Variants in TTC7A observed in about 807,000 individuals in gnomAD.
TTC7A encodes tetratricopeptide repeat domain 7A, also known as tetratricopeptide repeat protein 7A.
A neutral mutation model predicts 103.7 loss-of-function variants in TTC7A; 110 were observed. The ratio of observed to expected loss-of-function variants is 1.06; its 90% confidence interval spans 0.91 to 1.24. The LOEUF (loss-of-function observed/expected upper bound fraction) is 1.24. Among genes scored for constraint, TTC7A ranks in the 50% most tolerant of loss-of-function variants. TTC7A has a pLI of 0.00. For synonymous variants in TTC7A, 521 were observed against 467.9 expected, an observed-to-expected ratio of 1.11 and a Z score of -1.47; for missense variants, 1,340 against 1,116.3, an observed-to-expected ratio of 1.20 and a Z score of -2.86.
In TTC7A at chr2:47,069,848, A is replaced by G. The variant is rs372997782; in HGVS notation, c.2356-3854A>G. ...CCTCCCAGCAGCCCTGGTGTCCCCA[A>G]ACGCAGGCTCCAGGGACCAGAAGGC... On this transcript the variant is annotated intron_variant, in intron 19 of 19. Coordinates refer to ENST00000319190, the MANE Select transcript of TTC7A (RefSeq NM_020458.4). Among the ~76,000 whole-genome samples, 38 of 152,336 alleles carry G rather than the reference A, an allele frequency of 2.5e-4. 2 individuals are homozygous for G. Among genetic ancestry groups the G allele is most frequent in the African/African-American group, 7.5e-4 (31 of 41,576 alleles).
intron 3 of TTC7A, among the ~76,000 whole-genome samples, chr2:46,965,943 C>CT (rs1168558797): frequency 6.6e-6 from 1 of 151,786 alleles, no homozygotes; most frequent in African/African-American, 2.4e-5. Flanking sequence ...AAAATATTTT[C>CT]TAAGTGCATA....
chr2:47,058,717 A>G (rs1290415221), intron 18 of TTC7A, among the ~76,000 whole-genome samples: 1 of 152,144 alleles, frequency 6.6e-6, no homozygotes, highest in Non-Finnish European at 1.5e-5. Context: ...GCTGCTTTGG[A>G]CAAAGGCTGA....
At chr2:46,984,020 G>C (rs191926620) in intron 5 of TTC7A, among the ~76,000 whole-genome samples, 148 of 152,298 alleles carry the variant, frequency 9.7e-4, no homozygotes, top group Admixed American at 1.9e-3. Flanking sequence ...TGCCACTTAG[G>C]AAGGGCTAAA....
intron 1 of TTC7A, among the ~76,000 whole-genome samples, chr2:46,947,734 A>G (rs1671056035): frequency 6.6e-6 from 1 of 152,216 alleles, no homozygotes; most frequent in Non-Finnish European, 1.5e-5. Context: ...CCAATCTGTT[A>G]TGCTCTGATA....
chr2:47,018,235 C>A (rs984475496), intron 11 of TTC7A, among the ~76,000 whole-genome samples: 1 of 148,468 alleles, frequency 6.7e-6, no homozygotes, highest in African/African-American at 2.5e-5. Flanking sequence ...CAAGATCGCA[C>A]CACTGTACTC....
chr2:47,039,870 A>G (rs1485524899), intron 15 of TTC7A, among the ~76,000 whole-genome samples: 1 of 152,130 alleles, frequency 6.6e-6, no homozygotes, highest in Non-Finnish European at 1.5e-5. Flanking sequence ...TCTAACGGGG[A>G]ACAGAGACAC....
intron 5 of TTC7A, among the ~76,000 whole-genome samples, chr2:46,983,966 C>G (rs955486069): frequency 6.6e-6 from 1 of 152,202 alleles, no homozygotes; most frequent in African/African-American, 2.4e-5. Context: ...AATACTCTGT[C>G]TCCTTTATTC....
intron 1 of TTC7A, among the ~76,000 whole-genome samples, chr2:46,948,132 G>A (rs73926993): frequency 0.015 from 2,240 of 152,338 alleles, 54 homozygotes; most frequent in African/African-American, 0.05. Flanking sequence ...CCAAGGGCAC[G>A]GAGTCCTGCC....
chr2:46,959,399 G>A (rs1243233072), intron 3 of TTC7A, among the ~76,000 whole-genome samples: 1 of 152,128 alleles, frequency 6.6e-6, no homozygotes, highest in Admixed American at 6.6e-5. Context: ...CTGCTCTGTG[G>A]TTCTGTTTGG....
chr2:46,921,215 GA>G (rs1368005791), intron 2 of TTC7A, among the ~76,000 whole-genome samples: 1 of 152,102 alleles, frequency 6.6e-6, no homozygotes, highest in Non-Finnish European at 1.5e-5. Flanking sequence ...AGACTGGGAA[GA>G]AAAAGTAAAA....
intron 8 of TTC7A, among the ~76,000 whole-genome samples, chr2:47,002,260 C>T (rs997571472): frequency 6.6e-6 from 1 of 152,142 alleles, no homozygotes; most frequent in Non-Finnish European, 1.5e-5. Context: ...GCATCCCCAG[C>T]GCTGGGCAGC....
chr2:46,979,260 G>A (rs1245516670), intron 5 of TTC7A, among the ~76,000 whole-genome samples: 1 of 152,132 alleles, frequency 6.6e-6, no homozygotes, highest in Non-Finnish European at 1.5e-5. Context: ...GTCTGGTTTT[G>A]TCTACTGTTG....
At chr2:46,970,247 C>T (rs1673239958) in intron 3 of TTC7A, among the ~76,000 whole-genome samples, 1 of 152,280 alleles carries the variant, frequency 6.6e-6, no homozygotes, top group East Asian at 1.9e-4. Flanking sequence ...CTGGGCTTCC[C>T]AGTGTGCTGG....
intron 19 of TTC7A, among the ~76,000 whole-genome samples, chr2:47,069,625 G>A (rs1373438546): frequency 6.6e-6 from 1 of 152,204 alleles, no homozygotes; most frequent in Non-Finnish European, 1.5e-5. Flanking sequence ...TGTGGTGATG[G>A]GAGTGGGAGG....
chr2:47,061,052 C>A, intron 19 of TTC7A, 81 bp downstream of exon 19: 1 of 1,389,950 alleles, frequency 7.2e-7, no homozygotes, highest in Non-Finnish European at 9.7e-7. Flanking sequence ...TCCTTGTCCC[C>A]ATACTCCACT....
intron 2 of TTC7A, among the ~76,000 whole-genome samples, chr2:46,955,611 T>A (rs1178527855): frequency 6.6e-6 from 1 of 152,060 alleles, no homozygotes; most frequent in East Asian, 1.9e-4. Flanking sequence ...AAAAGAGGAA[T>A]GTGGATTTAC....
chr2:46,952,696 G>GT (rs1294578472), intron 2 of TTC7A, among the ~76,000 whole-genome samples: 1 of 152,138 alleles, frequency 6.6e-6, no homozygotes, highest in Non-Finnish European at 1.5e-5. Flanking sequence ...GGGCTGCAGT[G>GT]AGTTGTGTTC....
chr2:47,055,891 G>T (rs116751161), intron 18 of TTC7A, among the ~76,000 whole-genome samples: 2,653 of 152,236 alleles, frequency 0.017, 97 homozygotes, highest in African/African-American at 0.061. Flanking sequence ...GGAGAAGCTG[G>T]CGCTCACCCT....
At chr2:47,005,235 G>T (rs567563250) in intron 8 of TTC7A, among the ~76,000 whole-genome samples, 55 of 152,212 alleles carry the variant, frequency 3.6e-4, no homozygotes, top group South Asian at 4.1e-4. Context: ...AGGAAGGGAG[G>T]GGGGGGCTCT....
Sources: gnomAD v4.1 joint callset for allele counts (sites outside exome capture counted in the v4.1 genomes callset) on GRCh38, gnomAD v4.1.1 for gene constraint, MANE v1.5 for transcripts, NCBI Gene and HGNC (gene_info 2026-07-23, HGNC 2026-07-21) for gene names.